The following TCN2 variants were observed in gnomAD, a reference collection of about 807,000 sequenced individuals.
The protein encoded by TCN2 is transcobalamin-2.
In TCN2, 34 loss-of-function variants were observed where a neutral mutation model predicts 48.6. That is an observed-to-expected ratio of 0.70 (90% confidence interval 0.53 to 0.93). The LOEUF (loss-of-function observed/expected upper bound fraction) is 0.93. Ranked by LOEUF, TCN2 falls within the 40% of genes least tolerant of loss-of-function variation. The pLI, the probability that TCN2 is intolerant of heterozygous loss-of-function variation, is 0.00. For synonymous variants in TCN2, 283 were observed against 212.5 expected, an observed-to-expected ratio of 1.33 and a Z score of -2.89; for missense variants, 652 against 526.1, an observed-to-expected ratio of 1.24 and a Z score of -2.34.
intron 1 of TCN2, among the ~76,000 whole-genome samples, chr22:30,610,648 CTT>C (rs1444946962): frequency 6.6e-6 from 1 of 152,258 alleles, no homozygotes; most frequent in Non-Finnish European, 1.5e-5. Context: ...CACCACCTCT[CTT>C]GCTGGCTCAC....
chr22:30,624,141 C>T (rs1339277480), intron 8 of TCN2, among the ~76,000 whole-genome samples: 1 of 149,316 alleles, frequency 6.7e-6, no homozygotes, highest in African/African-American at 2.5e-5. Flanking sequence ...ATGGCGAGGT[C>T]TCAGCTCACT....
intron 1 of TCN2, among the ~76,000 whole-genome samples, chr22:30,608,751 A>T (rs1220746162): frequency 1.3e-5 from 2 of 152,146 alleles, no homozygotes; most frequent in Non-Finnish European, 2.9e-5. Flanking sequence ...GTCTGGGCCC[A>T]GGAACCCCAG....
At chr22:30,609,199 A>G (rs2087499105) in intron 1 of TCN2, among the ~76,000 whole-genome samples, 1 of 147,828 alleles carries the variant, frequency 6.8e-6, no homozygotes, top group Non-Finnish European at 1.5e-5. Flanking sequence ...ATGAGGTCTC[A>G]CTATATTGCC....
intron 6 of TCN2, among the ~76,000 whole-genome samples, chr22:30,616,304 C>A (rs1055056539): frequency 1.3e-5 from 2 of 151,282 alleles, no homozygotes. Context: ...GCTAACATGG[C>A]GAAACTCCAT....
chr22:30,611,829 C>G (rs773719411), intron 2 of TCN2, among the ~76,000 whole-genome samples: 2 of 152,182 alleles, frequency 1.3e-5, no homozygotes, highest in African/African-American at 4.8e-5. Flanking sequence ...CTTTGTGCTC[C>G]CTTTTCAAGA....
chr22:30,612,717 A>T (rs1026339529), intron 2 of TCN2, among the ~76,000 whole-genome samples, 156 bp from the exon 3 acceptor site: 1 of 152,248 alleles, frequency 6.6e-6, no homozygotes, highest in Non-Finnish European at 1.5e-5. Context: ...CATACACCTC[A>T]CAACAACATA....
At chr22:30,622,672 G>GC (rs567140862) in intron 7 of TCN2, among the ~76,000 whole-genome samples, 46 of 152,116 alleles carry the variant, frequency 3.0e-4, no homozygotes, top group Non-Finnish European at 4.9e-4. Context: ...CATAACATCA[G>GC]CCCCCCAGAG....
At chr22:30,623,801 CAT>C (rs1205361208) in intron 8 of TCN2, among the ~76,000 whole-genome samples, 1 of 4,174 alleles carries the variant, frequency 2.4e-4, no homozygotes, top group Non-Finnish European at 3.7e-4. Context: ...TATATACACA[CAT>C]ACACATATAT....
intron 1 of TCN2, among the ~76,000 whole-genome samples, chr22:30,608,642 G>A (rs996121042): frequency 1.3e-5 from 2 of 152,186 alleles, no homozygotes; most frequent in Non-Finnish European, 2.9e-5. Context: ...CTCTTGCGTC[G>A]GCCTCCCAAA....
At chr22:30,616,548 C>T (rs1283940798) in intron 6 of TCN2, among the ~76,000 whole-genome samples, 1 of 150,740 alleles carries the variant, frequency 6.6e-6, no homozygotes, top group South Asian at 2.1e-4. Flanking sequence ...TGCTTATAAT[C>T]CTAGCACTCT....
intron 8 of TCN2, among the ~76,000 whole-genome samples, chr22:30,623,893 T>TACACACATATATACACAC (rs1222498061): frequency 1.1e-4 from 3 of 26,604 alleles, no homozygotes; most frequent in Non-Finnish European, 2.0e-4. Flanking sequence ...TACACACATA[T>TACACACATATATACACAC]ATATGTATAC....
intron 2 of TCN2, 108 bp from the exon 3 acceptor site, chr22:30,612,765 C>T: frequency 7.1e-7 from 1 of 1,404,144 alleles, no homozygotes; most frequent in South Asian, 1.2e-5. Context: ...ATCAAAGTTT[C>T]CCACTGTTAA....
chr22:30,615,294 C>T lies in TCN2; in HGVS notation c.581-7C>T, dbSNP rs550090290. 4.3e-6 allele frequency: 7 copies of T among 1,614,078 alleles called. No homozygotes were observed. In the African/African-American group the frequency reaches 5.3e-5, roughly 12 times the overall value. On this transcript the variant is annotated splice_region_variant and splice_polypyrimidine_tract_variant and intron_variant, in intron 4 of 8. Coordinates refer to ENST00000215838, the MANE Select transcript of TCN2 (RefSeq NM_000355.4). ...AGCTCATTGCATGTTCTGTCCCCCA[C>T]TTCAAGACACAGCAGCCATGGCAGG... is the stretch of plus-strand genomic sequence containing the variant.
intron 1 of TCN2, chr22:30,610,240 G>C (rs1480574867): frequency 4.2e-6 from 2 of 471,010 alleles, no homozygotes; most frequent in Non-Finnish European, 8.8e-6. Context: ...AACAGAGATG[G>C]CAGGAAAGGC....
chr22:30,623,659 A>G (rs1014133501), intron 8 of TCN2, among the ~76,000 whole-genome samples: 9 of 150,718 alleles, frequency 6.0e-5, no homozygotes, highest in African/African-American at 2.0e-4. Context: ...GCCCACATGT[A>G]TAACTTAAAA....
At chr22:30,607,548 T>G (rs2087471225) in intron 1 of TCN2, among the ~76,000 whole-genome samples, 153 bp downstream of exon 1, 1 of 152,200 alleles carries the variant, frequency 6.6e-6, no homozygotes, top group Admixed American at 6.5e-5. Flanking sequence ...CTATTGTGAT[T>G]GATTATATGT....
intron 7 of TCN2, among the ~76,000 whole-genome samples, chr22:30,620,338 C>T (rs1161981101): frequency 6.6e-6 from 1 of 152,178 alleles, no homozygotes; most frequent in Admixed American, 6.5e-5. Context: ...AGCTATAAAT[C>T]CCCAACAACT....
At chr22:30,617,687 CTG>C (rs1253282953) in intron 7 of TCN2, 192 bp downstream of exon 7, 28 of 748,972 alleles carry the variant, frequency 3.7e-5, no homozygotes, top group East Asian at 2.9e-4. Flanking sequence ...AGCATTGTCA[CTG>C]AGAGAGCAGG....
intron 7 of TCN2, among the ~76,000 whole-genome samples, chr22:30,622,479 G>T (rs1881857581): frequency 6.6e-6 from 1 of 152,120 alleles, no homozygotes; most frequent in Admixed American, 6.5e-5. Context: ...CAGAGAGGAG[G>T]CTGAGCCATG....
Sources: gnomAD v4.1 joint callset for allele counts (sites outside exome capture counted in the v4.1 genomes callset) on GRCh38, gnomAD v4.1.1 for gene constraint, MANE v1.5 for transcripts, NCBI Gene and HGNC (gene_info 2026-07-23, HGNC 2026-07-21) for gene names.